The following VRK1 variants were observed in gnomAD, a reference collection of about 807,000 sequenced individuals.
The protein encoded by VRK1 is VRK serine/threonine kinase 1.
VRK1 carries 33 observed loss-of-function variants against 57.1 expected under a neutral mutation model. The observed-to-expected ratio is 0.58, with a 90% CI of 0.44 to 0.77. VRK1 has a LOEUF of 0.77. VRK1 is among the 30% of genes least tolerant of loss of function. VRK1 has a pLI of 0.00. For synonymous variants in VRK1, 137 were observed against 147.8 expected (o/e 0.93, Z 0.53); for missense variants, 413 against 477.3 (o/e 0.87, Z 1.25).
At chr14:96,858,255 C>A (rs777744439) in intron 10 of VRK1, among the ~76,000 whole-genome samples, 23 of 152,034 alleles carry the variant, frequency 1.5e-4, no homozygotes, top group Non-Finnish European at 3.2e-4. Flanking sequence ...CCACACCTGG[C>A]TAATTAAAAA....
intron 2 of VRK1, among the ~76,000 whole-genome samples, chr14:96,834,113 A>G (rs981298002): frequency 2.6e-5 from 4 of 152,220 alleles, no homozygotes; most frequent in African/African-American, 9.6e-5. Flanking sequence ...AAATGTGCAG[A>G]TAACTAGCAT....
At chr14:96,819,977 C>T (rs1886537441) in intron 1 of VRK1, among the ~76,000 whole-genome samples, 1 of 152,100 alleles carries the variant, frequency 6.6e-6, no homozygotes, top group African/African-American at 2.4e-5. Flanking sequence ...GTGTACTTCT[C>T]AGATGTAATG....
At chr14:96,855,187 T>G in intron 7 of VRK1, 37 bp from the exon 8 acceptor site, 1 of 1,613,790 alleles carries the variant, frequency 6.2e-7, no homozygotes, top group Non-Finnish European at 8.5e-7. Flanking sequence ...TGCAGTGATT[T>G]TGACTTTAGT....
At chr14:96,880,656 G>A (rs1442743012) in intron 12 of VRK1, among the ~76,000 whole-genome samples, 4 of 152,218 alleles carry the variant, frequency 2.6e-5, no homozygotes, top group African/African-American at 9.6e-5. Flanking sequence ...TTTGGGACCT[G>A]TATAATTCCT....
intron 1 of VRK1, among the ~76,000 whole-genome samples, chr14:96,812,631 C>T (rs1886248944): frequency 6.6e-6 from 1 of 152,162 alleles, no homozygotes; most frequent in South Asian, 2.1e-4. Context: ...TTTTAATGTT[C>T]ACTCTGATTT....
At chr14:96,841,778 T>A (rs1887472085) in intron 3 of VRK1, among the ~76,000 whole-genome samples, 1 of 151,026 alleles carries the variant, frequency 6.6e-6, no homozygotes, top group Admixed American at 6.6e-5. Context: ...GAGGTTGCAG[T>A]GAGCTGAGAT....
At chr14:96,834,105 A>T (rs977711049) in intron 2 of VRK1, among the ~76,000 whole-genome samples, 1 of 152,200 alleles carries the variant, frequency 6.6e-6, no homozygotes, top group Non-Finnish European at 1.5e-5. Flanking sequence ...GCCTGATTAA[A>T]TGTGCAGATA....
intron 1 of VRK1, among the ~76,000 whole-genome samples, chr14:96,808,443 G>C (rs1886004166): frequency 6.6e-6 from 1 of 152,100 alleles, no homozygotes; most frequent in African/African-American, 2.4e-5. Flanking sequence ...GAAGCATCAA[G>C]CTCAATTATT....
At chr14:96,808,264 T>C (rs8019781) in intron 1 of VRK1, among the ~76,000 whole-genome samples, 11,745 of 152,168 alleles carry the variant, frequency 0.077, 565 homozygotes, top group African/African-American at 0.13. Flanking sequence ...ACATGGTCCC[T>C]GCTTTCTGCC....
At chr14:96,809,060 A>G (rs1208005711) in intron 1 of VRK1, among the ~76,000 whole-genome samples, 2 of 151,624 alleles carry the variant, frequency 1.3e-5, no homozygotes, top group Non-Finnish European at 2.9e-5. Context: ...TTTTCACAGC[A>G]TGTTGGCTGA....
chr14:96,825,359 T>G (rs150472218), intron 1 of VRK1, among the ~76,000 whole-genome samples: 8 of 152,254 alleles, frequency 5.3e-5, no homozygotes, highest in Non-Finnish European at 7.4e-5. Flanking sequence ...TTGTAGAGGG[T>G]GGTTGCTGGA....
chr14:96,875,798 C>A (rs1224073503), intron 11 of VRK1, among the ~76,000 whole-genome samples: 1 of 152,098 alleles, frequency 6.6e-6, no homozygotes, highest in African/African-American at 2.4e-5. Flanking sequence ...ACAAATATAT[C>A]TACCATCTGG....
At chr14:96,872,899 A>G (rs1888879877) in intron 11 of VRK1, among the ~76,000 whole-genome samples, 1 of 152,232 alleles carries the variant, frequency 6.6e-6, no homozygotes, top group African/African-American at 2.4e-5. Context: ...AGATTAACTG[A>G]TTAGTCACAT....
chr14:96,845,996 G>T, intron 3 of VRK1, 99 bp from the exon 4 acceptor site: 1 of 1,093,988 alleles, frequency 9.1e-7, no homozygotes, highest in Non-Finnish European at 1.4e-6. Context: ...AAATTACATT[G>T]GACAGAAAAA....
rs531743755 is a variant in VRK1 at position 96,873,954 on chromosome 14, T to A, written c.1069-2076T>A. ...CTGCTTAAAGCACAGGTGTTTCTTT[T>A]GTTGGTTGAATACTGTCTGATTTTC... On this transcript the variant is annotated intron_variant, in intron 11 of 12. Transcript: ENST00000216639. Among the ~76,000 whole-genome samples the A allele has an allele frequency of 2.0e-5, 3 of 152,336 alleles. No individual in the cohort carries two copies. The East Asian group carries it at 5.8e-4, about 29-fold the overall frequency.
intron 8 of VRK1, 47 bp downstream of exon 8, chr14:96,855,403 C>T: frequency 6.2e-7 from 1 of 1,613,096 alleles, no homozygotes; most frequent in Non-Finnish European, 8.5e-7. Context: ...AATGTTTTCA[C>T]CCAGATTCCT....
At chr14:96,877,281 G>C (rs1889079506) in intron 12 of VRK1, 1 of 272,690 alleles carries the variant, frequency 3.7e-6, no homozygotes, top group Admixed American at 4.6e-5. Flanking sequence ...TTTTTGCCCT[G>C]ATTTTATTAC....
At chr14:96,874,167 T>TA (rs1168687692) in intron 11 of VRK1, among the ~76,000 whole-genome samples, 1 of 152,224 alleles carries the variant, frequency 6.6e-6, no homozygotes, top group Non-Finnish European at 1.5e-5. Context: ...TGGAAAGCAA[T>TA]ATAGTACTGA....
intron 1 of VRK1, among the ~76,000 whole-genome samples, chr14:96,833,170 T>C (rs1042599062): frequency 3.1e-4 from 47 of 152,218 alleles, no homozygotes; most frequent in African/African-American, 1.1e-3. Context: ...CATAGAGCAA[T>C]TCTTTGTTGT....
Sources: gnomAD v4.1 joint callset for allele counts (sites outside exome capture counted in the v4.1 genomes callset) on GRCh38, gnomAD v4.1.1 for gene constraint, MANE v1.5 for transcripts, NCBI Gene and HGNC (gene_info 2026-07-23, HGNC 2026-07-21) for gene names.